The following IRS4 variants were observed in gnomAD, a reference collection of about 807,000 sequenced individuals.
IRS4 encodes insulin receptor substrate 4.
A neutral mutation model predicts 48.6 loss-of-function variants in IRS4; 15 were observed. That is an observed-to-expected ratio of 0.31 (90% CI 0.21 to 0.48). IRS4 has a LOEUF of 0.48. IRS4 is among the 20% of genes least tolerant of loss of function. IRS4 has a pLI of 0.99. For synonymous variants in IRS4, 459 were observed against 413.2 expected, an observed-to-expected ratio of 1.11 and a Z score of -1.34; for missense variants, 987 against 1,023.4, an observed-to-expected ratio of 0.96 and a Z score of 0.49.
rs755180203 is a variant in IRS4 at position 108,736,232 on chromosome X, C to T, written c.113G>A (p.Gly38Glu). Residue 38 changes from glycine to glutamate, a missense_variant, in exon 1 of 2, where the codon GGA becomes GAA. Physicochemically the swap from Gly to Glu is moderately conservative, Grantham distance 98 (BLOSUM62 -2). This residue lies in a region of IRS4 where 173 missense variants were observed against 208.9 expected (regional missense o/e 0.83). Coordinates refer to ENST00000372129, the MANE Select transcript of IRS4 (RefSeq NM_001379150.1). ...GGTCCCAATGAGTGCGGTCGGGGTT[C>T]CCGAGGAAAGAAGCGGGGTGGTCAC... ...AVVTTPLLSS[G>E]TPTALIGTGS... is the part of the protein sequence containing the mutation. 29 of 1,210,830 alleles carry T rather than the reference C, an allele frequency of 2.4e-5. No individual in the cohort carries two copies. In the South Asian group the frequency reaches 2.6e-4, roughly 11 times the overall value.
Position 108,735,925 on chromosome X carries a change from C to CG in IRS4, c.419dup (p.Leu141AlafsTer92). 1 of 1,208,745 alleles carries CG rather than the reference C, an allele frequency of 8.3e-7. No homozygotes were observed. The highest frequency in any genetic ancestry group is 1.1e-6 in the Non-Finnish European group (1 of 894,117). On this transcript the variant is annotated frameshift_variant, in exon 1 of 2. Coordinates refer to ENST00000372129, the MANE Select transcript of IRS4 (RefSeq NM_001379150.1). LOFTEE classifies it high-confidence loss of function. ...TGATCACGCGCCGCGGTGGAATGAG[C>CG]GGGGGGATCGCGGCGCCAGAGGCGG...
Position 108,733,108 on chromosome X carries a change from CTCT to C in IRS4, c.3234_3236del (p.Glu1079del). The C allele has an allele frequency of 2.5e-6, 3 of 1,211,671 alleles. No individual in the cohort carries two copies. The highest frequency in any genetic ancestry group is 3.4e-6 in the Non-Finnish European group (3 of 895,311). ...GGCTTTGTGGGCGTCTTCTCTCCTGCTCTTCTTCCTGCAGCAGCCTAGCTACAG... is the reference window on the plus strand; with the variant it reads ...GGCTTTGTGGGCGTCTTCTCTCCTGCTCTTCCTGCAGCAGCCTAGCTACAG... On this transcript the variant is annotated inframe_deletion, in exon 1 of 2. Transcript: ENST00000372129.
chrX:108,733,223 T>G lies in IRS4; in HGVS notation c.3122A>C (p.Glu1041Ala). ...LADSAIRYDA[E>A]TGRIYVVDPF... is the part of the protein sequence containing the mutation. ...GTCGACCACATAGATTCGACCTGTT[T>G]CAGCATCATAGCGAATGGCACTGTC... Residue 1041 changes from glutamate (E) to alanine (A), a missense_variant, in exon 1 of 2, where the codon GAA (glutamate) becomes GCA (alanine). Transcript: ENST00000372129. 1 of 1,211,922 alleles carries G rather than the reference T, an allele frequency of 8.3e-7. No homozygotes were observed. The highest frequency in any genetic ancestry group is 1.1e-6 in the Non-Finnish European group (1 of 895,548).
At position 108,736,489 on chromosome X, in the gene IRS4, G is replaced by T. The variant is rs2068956040; in HGVS notation, c.-145C>A. 2.1e-6 allele frequency: 2 copies of T among 967,656 alleles called. No individual in the cohort carries two copies. The highest frequency in any genetic ancestry group is 1.4e-6 in the Non-Finnish European group (1 of 709,362). The allele number at this position is 967,656 out of a possible 1,213,427, so 79.7% of individuals were successfully genotyped here. A position where few individuals can be genotyped will look rare whatever the true frequency, so the allele number is the denominator to read the frequency against. On this transcript the variant is annotated 5_prime_UTR_variant, in exon 1 of 2. Coordinates refer to ENST00000372129, the MANE Select transcript of IRS4 (RefSeq NM_001379150.1). Reference sequence around the variant, plus strand: ...CGCCCCCGCCCACTCCACTCTGAGCGCACGACAGCGGGCAAAACAACACGT... The same window carrying T: ...CGCCCCCGCCCACTCCACTCTGAGCTCACGACAGCGGGCAAAACAACACGT...
chrX:108,734,119 C>T lies in IRS4; in HGVS notation c.2226G>A (p.Gly742=), dbSNP rs1215909107. ...TCACTCTGGGAAACATCATCATGTACCCTCTTGAATCTTCAAAAGGGGATC... is the reference window on the plus strand; with the variant it reads ...TCACTCTGGGAAACATCATCATGTATCCTCTTGAATCTTCAAAAGGGGATC... The part of the protein sequence containing the change: ...HSRSPFEDSR[G]YMMMFPRVSP... Residue 742 remains glycine, a synonymous_variant, in exon 1 of 2, where the codon GGG becomes GGA. Coordinates refer to ENST00000372129, the MANE Select transcript of IRS4 (RefSeq NM_001379150.1). The T allele has an allele frequency of 7.4e-6, 9 of 1,211,457 alleles. No homozygotes were observed. Among genetic ancestry groups the T allele is most frequent in the Non-Finnish European group, 1.0e-5 (9 of 895,452 alleles).
rs944399558 is a variant in IRS4 at position 108,720,829 on chromosome X, C to T, written c.*1690G>A. 1 of 111,890 alleles carries T rather than the reference C, an allele frequency of 8.9e-6. No homozygotes were observed. The highest frequency in any genetic ancestry group is 3.3e-5 in the African/African-American group (1 of 30,762). The allele number at this position is 111,890 out of a possible 1,213,427, so 9.2% of individuals were successfully genotyped here. On this transcript the variant is annotated 3_prime_UTR_variant, in exon 2 of 2. Transcript: ENST00000372129. Reference sequence around the variant, plus strand: ...GACTGATCTCATAGCCACGTCCTCTCCTCAGCACAATTTACAAGAGGGAAA... The same window carrying T: ...GACTGATCTCATAGCCACGTCCTCTTCTCAGCACAATTTACAAGAGGGAAA...
rs1349046633 is a variant in IRS4 at position 108,736,354 on chromosome X, C to G, written c.-10G>C. 1.7e-6 allele frequency: 2 copies of G among 1,210,400 alleles called. No homozygotes were observed. The highest frequency in any genetic ancestry group is 2.2e-6 in the Non-Finnish European group (2 of 895,249). ...AGGAGCAACTCGCCATGGTGATGCA[C>G]GATGGTTTTAAGGTGAGCGAGGAGG... On this transcript the variant is annotated 5_prime_UTR_variant, in exon 1 of 2. Coordinates refer to ENST00000372129, the MANE Select transcript of IRS4 (RefSeq NM_001379150.1).
intron 1 of IRS4, among the ~76,000 whole-genome samples, chrX:108,725,708 T>C (rs939035033): frequency 4.5e-5 from 5 of 111,916 alleles, no homozygotes; most frequent in Admixed American, 9.5e-5. Flanking sequence ...CTAGTAATAA[T>C]CGCTGCTAGT....
At position 108,734,264 on chromosome X, in the gene IRS4, T is replaced by A; in HGVS notation, c.2081A>T (p.Glu694Val). The A allele has an allele frequency of 8.3e-7, 1 of 1,211,555 alleles. No individual in the cohort carries two copies. The highest frequency in any genetic ancestry group is 1.1e-6 in the Non-Finnish European group (1 of 895,436). The change falls in exon 1 of 2, where the codon GAA (glutamate) becomes GTA (valine). Residue 694 changes from glutamate (E) to valine (V), a missense_variant. Physicochemically the swap from Glu to Val is moderately radical, Grantham distance 121. This residue lies in a region of IRS4 where 720 missense variants were observed against 660.3 expected (regional missense o/e 1.09). Transcript: ENST00000372129. ...TGGCACGTATGGGTCATCCTCATCT[T>A]CATCAAAAGCTCTGGCTCTGTGGGG... is the stretch of plus-strand genomic sequence containing the variant. ...RGPHRARAFD[E>V]DEDDPYVPMR...
Position 108,720,409 on chromosome X carries a change from TG to T in IRS4, c.*2109del, listed in dbSNP as rs2068851849. The stretch of plus-strand genomic sequence containing the variant: ...TAAATAATGAGAACAAGATTGCATT[TG>T]TTATGCAGTACCTGTGACTATGTGT... On this transcript the variant is annotated 3_prime_UTR_variant, in exon 2 of 2. Coordinates refer to ENST00000372129, the MANE Select transcript of IRS4 (RefSeq NM_001379150.1). 8.9e-6 allele frequency: 1 copy of T among 112,268 alleles called. No individual in the cohort carries two copies. The highest frequency in any genetic ancestry group is 1.9e-5 in the Non-Finnish European group (1 of 53,264). The allele number at this position is 112,268 out of a possible 1,213,427, so 9.3% of individuals were successfully genotyped here. A position where few individuals can be genotyped will look rare whatever the true frequency, so the allele number is the denominator to read the frequency against.
rs2068852901 is a variant in IRS4 at position 108,720,736 on chromosome X, G to A, written c.*1783C>T. 1 of 111,644 alleles carries A rather than the reference G, an allele frequency of 9.0e-6. No homozygotes were observed. The highest frequency in any genetic ancestry group is 9.5e-5 in the Admixed American group (1 of 10,527). 9.2% of individuals were successfully genotyped at this position (111,644 alleles called of 1,213,427 possible). ...CACACTGCGTTATTTGATTAGGTTGGAAAAAGAGAAGAGTCTGAAGGAACT... is the reference window on the plus strand; with the variant it reads ...CACACTGCGTTATTTGATTAGGTTGAAAAAAGAGAAGAGTCTGAAGGAACT... On this transcript the variant is annotated 3_prime_UTR_variant, in exon 2 of 2. Coordinates refer to ENST00000372129, the MANE Select transcript of IRS4 (RefSeq NM_001379150.1).
chrX:108,736,376 G>GA lies in IRS4; in HGVS notation c.-33dup, dbSNP rs780997465. ...GCACGATGGTTTTAAGGTGAGCGAG[G>GA]AGGAGGGGGAATTCAGGAAAGGGAG... On this transcript the variant is annotated 5_prime_UTR_variant, in exon 1 of 2. Coordinates refer to ENST00000372129, the MANE Select transcript of IRS4 (RefSeq NM_001379150.1). The GA allele has an allele frequency of 1.5e-5, 18 of 1,209,719 alleles. No individual in the cohort carries two copies. The highest frequency in any genetic ancestry group is 2.0e-5 in the Non-Finnish European group (18 of 895,036).
chrX:108,726,844 C>T (rs1280755011), intron 1 of IRS4: 1 of 112,322 alleles, frequency 8.9e-6, no homozygotes, highest in Admixed American at 9.4e-5. Context: ...GGCCCAGCTG[C>T]TTCTGTGCCA....
chrX:108,733,644 T>C lies in IRS4; in HGVS notation c.2701A>G (p.Ile901Val). 3.3e-6 allele frequency: 4 copies of C among 1,211,701 alleles called. No homozygotes were observed. Among genetic ancestry groups the C allele is most frequent in the Non-Finnish European group, 4.5e-6 (4 of 895,535 alleles). ...RLSFITKGYK[I>V]KPKPQKPTHE... is the part of the protein sequence containing the mutation. ...GTGGGCTTTTGTGGTTTTGGCTTGA[T>C]TTTATATCCTTTTGTAATAAAAGAA... The change falls in exon 1 of 2, where the codon ATC becomes GTC. Residue 901 changes from isoleucine to valine, a missense_variant. This residue lies in a region of IRS4 where 720 missense variants were observed against 660.3 expected (regional missense o/e 1.09). Coordinates refer to ENST00000372129, the MANE Select transcript of IRS4 (RefSeq NM_001379150.1).
In IRS4 at chrX:108,721,933, T is replaced by C. The variant is rs1327115701; in HGVS notation, c.*586A>G. On this transcript the variant is annotated 3_prime_UTR_variant, in exon 2 of 2. Transcript: ENST00000372129. ...CTTGAAATAATCTGCCCTTTAGTCC[T>C]GCCTTTAAAATACTGGTAATGCCCC... The C allele has an allele frequency of 1.8e-5, 2 of 111,769 alleles. No homozygotes were observed. The highest frequency in any genetic ancestry group is 3.8e-5 in the Non-Finnish European group (2 of 53,131). The allele number at this position is 111,769 out of a possible 1,213,427, so 9.2% of individuals were successfully genotyped here.
In IRS4 at chrX:108,734,435, G is replaced by T; in HGVS notation, c.1910C>A (p.Pro637His). ...TCCACCAGTTCCTCCAGCTGGTGGG[G>T]GTGGAGGAGGAGGTGGTGGAGGTGG... ...MPPPPPPPPP[P>H]PPAGGTGGKG... is the part of the protein sequence containing the mutation. Residue 637 changes from proline to histidine, a missense_variant, in exon 1 of 2, where the codon CCC becomes CAC. Transcript: ENST00000372129. 1 of 1,211,954 alleles carries T rather than the reference G, an allele frequency of 8.3e-7. No individual in the cohort carries two copies. Among genetic ancestry groups the T allele is most frequent in the Non-Finnish European group, 1.1e-6 (1 of 895,568 alleles).
chrX:108,733,251 C>G lies in IRS4; in HGVS notation c.3094G>C (p.Ala1032Pro), dbSNP rs762888366. Residue 1032 changes from alanine (A) to proline (P), a missense_variant, in exon 1 of 2, where the codon GCT becomes CCT. Around this residue, in one of 4 missense-constraint regions of IRS4, gnomAD observed 720 missense variants for 660.3 expected, o/e 1.09. Transcript: ENST00000372129. Reference sequence around the variant, plus strand: ...GCATCATAGCGAATGGCACTGTCAGCAAGAGCCATGGCTGGTGTCATTGCT... The same window carrying G: ...GCATCATAGCGAATGGCACTGTCAGGAAGAGCCATGGCTGGTGTCATTGCT... ...NSAMTPAMAL[A>P]DSAIRYDAET... The G allele has an allele frequency of 1.7e-6, 2 of 1,211,831 alleles. No individual in the cohort carries two copies. Among genetic ancestry groups the G allele is most frequent in the Non-Finnish European group, 2.2e-6 (2 of 895,569 alleles).
Position 108,736,513 on chromosome X carries a change from G to A in IRS4, c.-169C>T. On this transcript the variant is annotated 5_prime_UTR_variant, in exon 1 of 2. In the 5' UTR this introduces an upstream ATG that the reference lacks. Transcript: ENST00000372129. Reference sequence around the variant, plus strand: ...CGCACGACAGCGGGCAAAACAACACGTGACCACAGCCTCACGCGGCGGCCG... The same window carrying A: ...CGCACGACAGCGGGCAAAACAACACATGACCACAGCCTCACGCGGCGGCCG... The A allele has an allele frequency of 1.2e-6, 1 of 830,929 alleles. No individual in the cohort carries two copies. Among genetic ancestry groups the A allele is most frequent in the Non-Finnish European group, 1.7e-6 (1 of 590,178 alleles). 68.5% of individuals were successfully genotyped at this position (830,929 alleles called of 1,213,427 possible).
At chrX:108,729,476 C>G (rs2068889095) in intron 1 of IRS4, among the ~76,000 whole-genome samples, 1 of 111,079 alleles carries the variant, frequency 9.0e-6, no homozygotes, top group African/African-American at 3.3e-5. Context: ...GAAAAAGAAG[C>G]AAATAGTCAT....
Sources: allele counts gnomAD v4.1 joint callset (sites outside exome capture counted in the v4.1 genomes callset), GRCh38; gene constraint gnomAD v4.1.1; regional missense constraint gnomAD v4.1.1; transcripts MANE v1.5; gene names NCBI Gene and HGNC (gene_info 2026-07-23, HGNC 2026-07-21).